Variants in XPO5 observed in about 807,000 individuals in gnomAD.
XPO5 encodes exportin-5.
XPO5 carries 46 observed loss-of-function variants against 160.6 expected under a neutral mutation model. The observed-to-expected ratio is 0.29, with a 90% CI of 0.23 to 0.37. The LOEUF (loss-of-function observed/expected upper bound fraction) is 0.37. Ranked by LOEUF, XPO5 falls within the 10% of genes least tolerant of loss-of-function variation. The probability of loss-of-function intolerance (pLI) is 1.00; values close to 1 mark genes in which losing one functional copy is unlikely to be tolerated. For missense variants in XPO5, 1,090 were observed against 1,463.9 expected (o/e 0.74, Z 4.17); for synonymous variants, 537 against 519.3 (o/e 1.03, Z -0.46).
At position 43,570,824 on chromosome 6, in the gene XPO5, A is replaced by C. The variant is rs1275112866; in HGVS notation, c.438+33T>G. Reference sequence around the variant, plus strand: ...AACCCTGAAGTTTGTTCCAAGGAAAAGTATACCAAACTGATATAGCTGTGT... The same window carrying C: ...AACCCTGAAGTTTGTTCCAAGGAAACGTATACCAAACTGATATAGCTGTGT... On this transcript the variant is annotated intron_variant, in intron 4 of 31. Transcript: ENST00000265351. 3.2e-6 allele frequency: 5 copies of C among 1,568,908 alleles called. No homozygotes were observed. In the African/African-American group the frequency reaches 6.9e-5, roughly 22 times the overall value.
chr6:43,555,870 T>C lies in XPO5; in HGVS notation c.1407A>G (p.Gln469=), dbSNP rs374509192. ...AACCAGCATCAAGAAAAGTTGATAGTTGATACTTTAGCCACTCCCCAGCCA... is the reference window on the plus strand; with the variant it reads ...AACCAGCATCAAGAAAAGTTGATAGCTGATACTTTAGCCACTCCCCAGCCA... ...FQMAGEWLKY[Q]LSTFLDAGSV... is the part of the protein sequence containing the mutation. Residue 469 remains glutamine (Q), a synonymous_variant, in exon 13 of 32, where the codon CAA becomes CAG. Coordinates refer to ENST00000265351, the MANE Select transcript of XPO5 (RefSeq NM_020750.3). 122 of 1,613,980 alleles carry C rather than the reference T, an allele frequency of 7.6e-5. 1 individual carries two copies. In the African/African-American group the frequency reaches 1.1e-3, roughly 15 times the overall value.
intron 20 of XPO5, among the ~76,000 whole-genome samples, chr6:43,545,327 TTTGG>T (rs1794909253): frequency 6.6e-6 from 1 of 152,222 alleles, no homozygotes; most frequent in Admixed American, 6.5e-5. Context: ...ACATGAATAA[TTTGG>T]TTTGCCCCGT....
chr6:43,571,613 T>C (rs1183699877), intron 3 of XPO5, among the ~76,000 whole-genome samples: 9 of 152,144 alleles, frequency 5.9e-5, no homozygotes, highest in Admixed American at 5.9e-4. Flanking sequence ...CAGACTAGCC[T>C]GGGAAACACA....
At chr6:43,562,500 TTTAAC>T (rs1190069928) in intron 8 of XPO5, 154 bp from the exon 9 acceptor site, 1 of 620,160 alleles carries the variant, frequency 1.6e-6, no homozygotes, top group East Asian at 2.9e-5. Context: ...TTAAAATCTT[TTTAAC>T]TTATTTGGTG....
chr6:43,535,904 C>A (rs548290672), intron 20 of XPO5, among the ~76,000 whole-genome samples: 1 of 151,738 alleles, frequency 6.6e-6, no homozygotes, highest in East Asian at 1.9e-4. Context: ...CGGAGAATCA[C>A]CTGAGGCCAG....
intron 20 of XPO5, among the ~76,000 whole-genome samples, chr6:43,542,668 C>T (rs558691649): frequency 6.6e-6 from 1 of 152,252 alleles, no homozygotes; most frequent in Non-Finnish European, 1.5e-5. Flanking sequence ...TCAAGTGATT[C>T]ACCTGCTTCG....
chr6:43,567,182 G>A lies in XPO5; in HGVS notation c.821C>T (p.Ala274Val). The A allele has an allele frequency of 6.2e-7, 1 of 1,612,604 alleles. No homozygotes were observed. The highest frequency in any genetic ancestry group is 2.2e-5 in the East Asian group (1 of 44,876). ...GTGGTAACTTACTTTTCTGCTGACTGCAATGAGAAGACACTCAGCGGCTCC... is the reference window on the plus strand; with the variant it reads ...GTGGTAACTTACTTTTCTGCTGACTACAATGAGAAGACACTCAGCGGCTCC... ...QLGAAECLLI[A>V]VSRKGKLEDR... The change falls in exon 7 of 32, where the codon GCA becomes GTA. Residue 274 changes from alanine (A) to valine (V), a missense_variant. Transcript: ENST00000265351.
intron 27 of XPO5, chr6:43,526,401 T>G (rs1018059253): frequency 8.6e-6 from 4 of 465,734 alleles, no homozygotes; most frequent in Non-Finnish European, 1.6e-5. Flanking sequence ...TTTTGATAGG[T>G]TGGTCATGGA....
At position 43,525,001 on chromosome 6, in the gene XPO5, G is replaced by A. The variant is rs756796027; in HGVS notation, c.3175-33C>T. The A allele has an allele frequency of 7.5e-6, 12 of 1,607,878 alleles. No individual in the cohort carries two copies. In the East Asian group the frequency reaches 2.7e-4, roughly 36 times the overall value. On this transcript the variant is annotated intron_variant, in intron 29 of 31. Transcript: ENST00000265351. ...GACAACTGTGCTTTAGGGCCACAGG[G>A]GGCCTCTCTCAAGGCCTCAGCACCC...
chr6:43,569,489 T>C lies in XPO5; in HGVS notation c.622-752A>G, dbSNP rs563099766. Among the ~76,000 whole-genome samples the C allele has an allele frequency of 2.1e-4, 32 of 152,140 alleles. 1 individual carries two copies. The highest frequency in any genetic ancestry group is 7.0e-4 in the African/African-American group (29 of 41,542). ...TGGCTCACGCCTACCATCCCAGCACTTTGGAAGACCAAGGCAGGCGGATTA... is the reference window on the plus strand; with the variant it reads ...TGGCTCACGCCTACCATCCCAGCACCTTGGAAGACCAAGGCAGGCGGATTA... On this transcript the variant is annotated intron_variant, in intron 5 of 31. Transcript: ENST00000265351.
intron 12 of XPO5, among the ~76,000 whole-genome samples, chr6:43,557,322 A>AG (rs1288332697): frequency 1.3e-5 from 2 of 150,728 alleles, no homozygotes; most frequent in Non-Finnish European, 2.9e-5. Context: ...GCTATTCAGG[A>AG]GGCTGAGGCA....
At chr6:43,553,699 G>A in intron 13 of XPO5, 196 bp from the exon 14 acceptor site, 5 of 1,242,456 alleles carry the variant, frequency 4.0e-6, no homozygotes, top group Non-Finnish European at 5.2e-6. Context: ...CAATGAGGTA[G>A]GTGAAGGTTC....
At chr6:43,565,908 A>C (rs568885465) in intron 7 of XPO5, among the ~76,000 whole-genome samples, 172 bp from the exon 8 acceptor site, 9 of 152,252 alleles carry the variant, frequency 5.9e-5, no homozygotes, top group Non-Finnish European at 1.0e-4. Flanking sequence ...GATAAACTAC[A>C]TATTTTTTCT....
chr6:43,538,885 G>T, intron 20 of XPO5: 1 of 1,284,514 alleles, frequency 7.8e-7, no homozygotes, highest in Non-Finnish European at 1.1e-6. Flanking sequence ...GGGTCTTGAC[G>T]AGGTGGTCAG....
intron 6 of XPO5, among the ~76,000 whole-genome samples, chr6:43,568,136 G>A (rs898594997): frequency 2.6e-5 from 4 of 151,418 alleles, no homozygotes; most frequent in Admixed American, 6.6e-5. Flanking sequence ...GTGAAACCCC[G>A]TCTCTACTAA....
At chr6:43,556,029 G>A in intron 12 of XPO5, 65 bp from the exon 13 acceptor site, 1 of 1,582,394 alleles carries the variant, frequency 6.3e-7, no homozygotes, top group South Asian at 1.1e-5. Context: ...AGTACTTAAT[G>A]TTTATTAATT....
At chr6:43,569,325 T>C (rs1293799067) in intron 5 of XPO5, among the ~76,000 whole-genome samples, 1 of 150,914 alleles carries the variant, frequency 6.6e-6, no homozygotes, top group Non-Finnish European at 1.5e-5. Flanking sequence ...AAAATACATA[T>C]ATATATGATG....
In XPO5 at chr6:43,568,726, A is replaced by T; in HGVS notation, c.633T>A (p.Thr211=). ...VNKYQQVKTD[T]SQESKAQANC... ...GAGCTCTTACCTTTGACTCCTGAGAAGTATCTGTCTTCTGAAAGGAAGTAT... is the reference window on the plus strand; with the variant it reads ...GAGCTCTTACCTTTGACTCCTGAGATGTATCTGTCTTCTGAAAGGAAGTAT... The change falls in exon 6 of 32, where the codon ACT becomes ACA. Residue 211 remains threonine (T), a synonymous_variant. Transcript: ENST00000265351. 6.3e-7 allele frequency: 1 copy of T among 1,578,422 alleles called. No homozygotes were observed. The highest frequency in any genetic ancestry group is 8.6e-7 in the Non-Finnish European group (1 of 1,160,150).
At chr6:43,568,022 G>A (rs1237990095) in intron 6 of XPO5, among the ~76,000 whole-genome samples, 2 of 150,206 alleles carry the variant, frequency 1.3e-5, no homozygotes, top group African/African-American at 4.9e-5. Flanking sequence ...ACAGAACAAA[G>A]GACAGGCTGG....
Sources: gnomAD v4.1 joint callset for allele counts (sites outside exome capture counted in the v4.1 genomes callset) on GRCh38, gnomAD v4.1.1 for gene constraint, MANE v1.5 for transcripts, NCBI Gene and HGNC (gene_info 2026-07-23, HGNC 2026-07-21) for gene names.